SGCZ: variants seen among roughly 807,000 people sequenced by gnomAD.
The protein encoded by SGCZ is zeta-sarcoglycan.
In SGCZ, 40 loss-of-function variants were observed where a neutral mutation model predicts 41.3. That is an observed-to-expected ratio of 0.97 (90% CI 0.75 to 1.26). SGCZ has a LOEUF of 1.26. Ranked by LOEUF, SGCZ falls within the 50% of genes most tolerant of loss-of-function variation. The pLI, the probability that SGCZ is intolerant of heterozygous loss-of-function variation, is 0.00. For synonymous variants in SGCZ, 206 were observed against 137.5 expected (o/e 1.50, Z -3.49); for missense variants, 552 against 369.8 (o/e 1.49, Z -4.04).
At chr8:14,832,869 T>C (rs1390169234) in intron 1 of SGCZ, among the ~76,000 whole-genome samples, 3 of 152,188 alleles carry the variant, frequency 2.0e-5, no homozygotes, top group Non-Finnish European at 4.4e-5. Context: ...ATAGGTAGGA[T>C]GTTTTAATAG....
At chr8:14,741,725 T>C (rs541548668) in intron 1 of SGCZ, among the ~76,000 whole-genome samples, 7 of 152,196 alleles carry the variant, frequency 4.6e-5, no homozygotes, top group Admixed American at 3.9e-4. Flanking sequence ...TCCAAAAGTA[T>C]GTCTGAAAGG....
chr8:14,483,472 G>A (rs923108673), intron 2 of SGCZ, among the ~76,000 whole-genome samples: 2 of 152,178 alleles, frequency 1.3e-5, no homozygotes, highest in African/African-American at 4.8e-5. Context: ...TTGGGAAGCT[G>A]AAGCAAGAGG....
chr8:14,855,724 C>T (rs79109362), intron 1 of SGCZ, among the ~76,000 whole-genome samples: 2,384 of 152,244 alleles, frequency 0.016, 35 homozygotes, highest in African/African-American at 0.041. Flanking sequence ...CCCAGAAATA[C>T]TCTCCCTTCA....
intron 1 of SGCZ, among the ~76,000 whole-genome samples, chr8:15,013,166 T>C (rs1802901481): frequency 6.6e-6 from 1 of 152,210 alleles, no homozygotes; most frequent in South Asian, 2.1e-4. Context: ...CTCCCTTATT[T>C]GATTATTTGA....
At chr8:14,769,410 T>G (rs1177850046) in intron 1 of SGCZ, among the ~76,000 whole-genome samples, 1 of 152,170 alleles carries the variant, frequency 6.6e-6, no homozygotes, top group African/African-American at 2.4e-5. Flanking sequence ...TTAAAAAAGT[T>G]CAAAGACCAA....
intron 2 of SGCZ, among the ~76,000 whole-genome samples, chr8:14,548,350 T>C (rs73533132): frequency 0.087 from 13,183 of 152,164 alleles, 728 homozygotes; most frequent in Middle Eastern, 0.16. Flanking sequence ...TATAAGAAAA[T>C]ACTCCACGGG....
chr8:14,929,122 G>C (rs1421191885), intron 1 of SGCZ, among the ~76,000 whole-genome samples: 2 of 152,062 alleles, frequency 1.3e-5, no homozygotes, highest in East Asian at 3.9e-4. Flanking sequence ...CTCCTGAGTA[G>C]CTGGGACTAG....
At chr8:14,367,545 G>A (rs1195362596) in intron 2 of SGCZ, among the ~76,000 whole-genome samples, 1 of 152,086 alleles carries the variant, frequency 6.6e-6, no homozygotes, top group Non-Finnish European at 1.5e-5. Flanking sequence ...TGGACTCACA[G>A]TTATGCATTT....
chr8:15,223,476 C>G (rs1030106005), intron 1 of SGCZ, among the ~76,000 whole-genome samples: 1 of 152,144 alleles, frequency 6.6e-6, no homozygotes, highest in Non-Finnish European at 1.5e-5. Context: ...AATCACTAGT[C>G]CCAGTAACTT....
intron 4 of SGCZ, among the ~76,000 whole-genome samples, chr8:14,218,958 A>G (rs1806095107): frequency 6.6e-6 from 1 of 152,260 alleles, no homozygotes; most frequent in African/African-American, 2.4e-5. Flanking sequence ...AGAAATTGCC[A>G]AAGAACTCAA....
chr8:14,734,569 C>T (rs1252200038), intron 1 of SGCZ, among the ~76,000 whole-genome samples: 2 of 152,014 alleles, frequency 1.3e-5, no homozygotes, highest in South Asian at 2.1e-4. Context: ...AAATGCTTCA[C>T]GTATGTATAG....
chr8:14,798,977 G>C (rs1006278461), intron 1 of SGCZ, among the ~76,000 whole-genome samples: 2 of 151,556 alleles, frequency 1.3e-5, no homozygotes, highest in Non-Finnish European at 2.9e-5. Flanking sequence ...CTGTAAATAA[G>C]ATTACCATAA....
intron 2 of SGCZ, among the ~76,000 whole-genome samples, chr8:14,505,052 G>A (rs1426325173): frequency 6.6e-6 from 1 of 152,060 alleles, no homozygotes; most frequent in Non-Finnish European, 1.5e-5. Context: ...TGGAGGCTGA[G>A]GCATGAGAAT....
chr8:14,207,979 G>C lies in SGCZ; in HGVS notation c.424+29613C>G, dbSNP rs1008620071. Among the ~76,000 whole-genome samples the C allele has an allele frequency of 3.3e-5, 5 of 152,212 alleles. No homozygotes were observed. The East Asian group carries it at 9.7e-4, about 29-fold the overall frequency. ...TCCTCTAAATAAGGCAGAAAATGCT[G>C]AACTGTCTTTATACACACTATGATG... On this transcript the variant is annotated intron_variant, in intron 4 of 7. Coordinates refer to ENST00000382080, the MANE Select transcript of SGCZ (RefSeq NM_139167.4).
chr8:14,201,534 A>G (rs1805455158), intron 4 of SGCZ, among the ~76,000 whole-genome samples: 1 of 152,210 alleles, frequency 6.6e-6, no homozygotes. Flanking sequence ...CTCAAAGGCT[A>G]CATATTGTGT....
chr8:14,516,315 G>A (rs1196259306), intron 2 of SGCZ, among the ~76,000 whole-genome samples: 1 of 151,730 alleles, frequency 6.6e-6, no homozygotes, highest in African/African-American at 2.4e-5. Context: ...CCACCCTCAA[G>A]GAGGACCTGT....
At chr8:14,834,753 T>C (rs1466556055) in intron 1 of SGCZ, among the ~76,000 whole-genome samples, 1 of 152,112 alleles carries the variant, frequency 6.6e-6, no homozygotes, top group Admixed American at 6.5e-5. Flanking sequence ...GTACAGAATA[T>C]TTGGAGAGCA....
At chr8:14,515,931 C>G (rs1377337827) in intron 2 of SGCZ, among the ~76,000 whole-genome samples, 1 of 151,908 alleles carries the variant, frequency 6.6e-6, no homozygotes, top group Non-Finnish European at 1.5e-5. Context: ...TCAATTTGCT[C>G]CTATGATCCA....
chr8:14,221,289 T>C (rs755699294), intron 4 of SGCZ, among the ~76,000 whole-genome samples: 5 of 152,192 alleles, frequency 3.3e-5, no homozygotes, highest in Admixed American at 6.5e-5. Context: ...AGACAATCTA[T>C]GAATTACTAA....
Sources: allele counts gnomAD v4.1 joint callset (sites outside exome capture counted in the v4.1 genomes callset), GRCh38; gene constraint gnomAD v4.1.1; transcripts MANE v1.5; gene names NCBI Gene and HGNC (gene_info 2026-07-23, HGNC 2026-07-21).